Variants in SCFD2 observed in about 807,000 individuals in gnomAD.
SCFD2 encodes the protein sec1 family domain containing 2, also known as sec1 family domain-containing protein 2.
SCFD2 carries 54 observed loss-of-function variants against 58.9 expected under a neutral mutation model. The ratio of observed to expected loss-of-function variants is 0.92; its 90% CI spans 0.74 to 1.15. SCFD2 has a LOEUF of 1.15. Among genes scored for constraint, SCFD2 ranks in the 50% most tolerant of loss-of-function variants. The pLI, the probability that SCFD2 is intolerant of heterozygous loss-of-function variation, is 0.00. For missense variants in SCFD2, 805 were observed against 836.6 expected, an observed-to-expected ratio of 0.96 and a Z score of 0.47; for synonymous variants, 321 against 335.9, an observed-to-expected ratio of 0.96 and a Z score of 0.49.
intron 5 of SCFD2, among the ~76,000 whole-genome samples, chr4:52,937,047 G>C (rs888227353): frequency 5.3e-5 from 8 of 152,224 alleles, no homozygotes; most frequent in Non-Finnish European, 8.8e-5. Flanking sequence ...TGTGATATTA[G>C]AGGTAAGTGC....
chr4:52,887,854 T>C (rs1718775253), intron 7 of SCFD2, among the ~76,000 whole-genome samples: 2 of 150,600 alleles, frequency 1.3e-5, no homozygotes, highest in South Asian at 2.1e-4. Context: ...CTGAACTCTC[T>C]GGCTCCCTTG....
intron 5 of SCFD2, among the ~76,000 whole-genome samples, chr4:52,955,474 A>C (rs558237485): frequency 1.8e-3 from 281 of 152,290 alleles, no homozygotes; most frequent in Non-Finnish European, 2.6e-3. Context: ...ATAACATTTA[A>C]CTTCTCACAA....
intron 5 of SCFD2, among the ~76,000 whole-genome samples, chr4:53,023,563 G>T (rs1334174350): frequency 6.6e-6 from 1 of 151,868 alleles, no homozygotes; most frequent in Non-Finnish European, 1.5e-5. Flanking sequence ...ACTTTTCTTT[G>T]GCTGCTAGGA....
Position 53,365,826 on chromosome 4 carries a change from C to T in SCFD2, c.116G>A (p.Gly39Asp), listed in dbSNP as rs1473170127. 6.2e-7 allele frequency: 1 copy of T among 1,613,820 alleles called. No individual in the cohort carries two copies. Among genetic ancestry groups the T allele is most frequent in the Non-Finnish European group, 8.5e-7 (1 of 1,180,002 alleles). ...DAACAESLHW[G>D]CGSTRLLEAV... ...CTCCAGGAGACGGGTGGATCCGCAG[C>T]CCCAGTGCAGGCTCTCGGCGCAGGC... The change falls in exon 1 of 9, where the codon GGC becomes GAC. Residue 39 changes from glycine (G) to aspartate (D), a missense_variant. Coordinates refer to ENST00000401642, the MANE Select transcript of SCFD2 (RefSeq NM_152540.4). This position sits in a 1 kb window ranked among gnomAD's most constrained non-coding sequence, Gnocchi z 4.3.
At chr4:53,195,002 C>T (rs1022603872) in intron 4 of SCFD2, among the ~76,000 whole-genome samples, 14 of 151,992 alleles carry the variant, frequency 9.2e-5, no homozygotes, top group Non-Finnish European at 7.4e-5. Flanking sequence ...ATGTAAAAAC[C>T]CCAAGTGGCT....
Position 53,150,547 on chromosome 4 carries a change from T to A in SCFD2, c.1312-4965A>T, listed in dbSNP as rs764265050. ...CGAAGAAAAAAAATCCGTGACTCCA[T>A]AGATTGAAAATGTTTTAAAGGCAGA... On this transcript the variant is annotated intron_variant, in intron 4 of 8. Transcript: ENST00000401642. Among the ~76,000 whole-genome samples, 92 of 152,218 alleles carry A rather than the reference T, an allele frequency of 6.0e-4. 1 individual carries two copies. The highest frequency in any genetic ancestry group is 1.6e-4 in the Non-Finnish European group (11 of 68,038).
chr4:53,316,291 C>T (rs1010866111), intron 2 of SCFD2, among the ~76,000 whole-genome samples: 3 of 152,292 alleles, frequency 2.0e-5, no homozygotes, highest in African/African-American at 7.2e-5. Flanking sequence ...TTACTCATTG[C>T]TAATTCTTCA....
At chr4:52,885,298 G>C (rs1483665306) in intron 8 of SCFD2, among the ~76,000 whole-genome samples, 1 of 152,068 alleles carries the variant, frequency 6.6e-6, no homozygotes, top group Non-Finnish European at 1.5e-5. Flanking sequence ...ACACTGATTG[G>C]ACACCAGAGA....
At chr4:53,330,147 T>A (rs1443169009) in intron 2 of SCFD2, among the ~76,000 whole-genome samples, 1 of 152,074 alleles carries the variant, frequency 6.6e-6, no homozygotes, top group Non-Finnish European at 1.5e-5. Flanking sequence ...ATGGGGAGAA[T>A]GGAACCAAGT....
intron 4 of SCFD2, among the ~76,000 whole-genome samples, chr4:53,260,245 G>C (rs1730789359): frequency 6.6e-6 from 1 of 152,040 alleles, no homozygotes; most frequent in African/African-American, 2.4e-5. Context: ...GAGTGCTCTG[G>C]CTAGGACTCC....
chr4:53,137,944 T>C (rs538285717), intron 5 of SCFD2, among the ~76,000 whole-genome samples: 5 of 152,310 alleles, frequency 3.3e-5, no homozygotes, highest in African/African-American at 4.8e-5. Context: ...ACAGGTCAAC[T>C]GGGTAGGACC....
intron 3 of SCFD2, among the ~76,000 whole-genome samples, chr4:53,305,276 C>T (rs1170233444): frequency 1.3e-5 from 2 of 152,078 alleles, no homozygotes; most frequent in Non-Finnish European, 2.9e-5. Flanking sequence ...GTTATGGTTT[C>T]ACATCTTACA....
intron 8 of SCFD2, among the ~76,000 whole-genome samples, chr4:52,875,971 C>A (rs1433335220): frequency 6.6e-6 from 1 of 151,236 alleles, no homozygotes; most frequent in African/African-American, 2.4e-5. Context: ...TGAAGATTGG[C>A]CTTCTCTATC....
chr4:53,316,831 C>T (rs997849547), intron 2 of SCFD2, among the ~76,000 whole-genome samples: 6 of 151,986 alleles, frequency 3.9e-5, no homozygotes, highest in African/African-American at 1.5e-4. Flanking sequence ...AATTCTGGGC[C>T]GGGCGCAGTG....
chr4:53,323,362 A>G (rs1733080623), intron 2 of SCFD2, among the ~76,000 whole-genome samples: 1 of 151,980 alleles, frequency 6.6e-6, no homozygotes, highest in Non-Finnish European at 1.5e-5. Flanking sequence ...AGAAGAATAT[A>G]CAGTAGTTCT....
Position 53,055,230 on chromosome 4 carries a change from C to G in SCFD2, c.1561+90103G>C, listed in dbSNP as rs902349035. Among the ~76,000 whole-genome samples, 134 of 152,238 alleles carry G rather than the reference C, an allele frequency of 8.8e-4. No homozygotes were observed. In the Middle Eastern group the frequency reaches 0.01, roughly 12 times the overall value. On this transcript the variant is annotated intron_variant, in intron 5 of 8. Transcript: ENST00000401642. ...TATCAGGAAACTGATGTTCCAAAAGCGTAACTTGCTAGGGTCACACAGACA... is the reference window on the plus strand; with the variant it reads ...TATCAGGAAACTGATGTTCCAAAAGGGTAACTTGCTAGGGTCACACAGACA...
intron 4 of SCFD2, among the ~76,000 whole-genome samples, chr4:53,254,638 C>T (rs375738612): frequency 6.0e-5 from 9 of 150,828 alleles, no homozygotes; most frequent in African/African-American, 1.7e-4. Flanking sequence ...TGCACCTGGC[C>T]GACCCATGTC....
At chr4:53,138,914 A>C (rs1193456990) in intron 5 of SCFD2, among the ~76,000 whole-genome samples, 1 of 130,432 alleles carries the variant, frequency 7.7e-6, no homozygotes, top group Non-Finnish European at 1.5e-5. Flanking sequence ...TCTCCCTCTG[A>C]TGCCCAGCCG....
At chr4:53,191,301 T>C (rs565389894) in intron 4 of SCFD2, among the ~76,000 whole-genome samples, 3 of 152,128 alleles carry the variant, frequency 2.0e-5, no homozygotes, top group East Asian at 1.9e-4. Flanking sequence ...CAAGACTCTA[T>C]CTCAAAAAAT....
Sources: allele counts gnomAD v4.1 joint callset (sites outside exome capture counted in the v4.1 genomes callset), GRCh38; gene constraint gnomAD v4.1.1; non-coding constraint Gnocchi (gnomAD v3.1); transcripts MANE v1.5; gene names NCBI Gene and HGNC (gene_info 2026-07-23, HGNC 2026-07-21).